Variants in GPAM observed in about 807,000 individuals in gnomAD.
The protein encoded by GPAM is glycerol-3-phosphate acyltransferase, mitochondrial.
A neutral mutation model predicts 105.0 loss-of-function variants in GPAM; 56 were observed. The observed-to-expected ratio is 0.53, with a 90% confidence interval of 0.43 to 0.67. The LOEUF (loss-of-function observed/expected upper bound fraction) is 0.67. Ranked by LOEUF, GPAM falls within the 30% of genes least tolerant of loss-of-function variation. The pLI is 0.00. For synonymous variants in GPAM, 368 were observed against 354.4 expected, an observed-to-expected ratio of 1.04 and a Z score of -0.43; for missense variants, 855 against 989.8, an observed-to-expected ratio of 0.86 and a Z score of 1.83.
chr10:112,211,906 G>A (rs1052846205), intron 1 of GPAM, among the ~76,000 whole-genome samples: 1 of 152,182 alleles, frequency 6.6e-6, no homozygotes, highest in Non-Finnish European at 1.5e-5. Flanking sequence ...AGATGTATGA[G>A]GGTTTCTTAA....
chr10:112,226,853 G>A, the GPAM span, among the ~76,000 whole-genome samples: 2 of 152,186 alleles, frequency 1.3e-5, no homozygotes, highest in Non-Finnish European at 2.9e-5. Context: ...CCTGAGCCCT[G>A]GATTCCATCC....
rs1847127929 is a variant in GPAM, at chr10:112,161,722, C to A, written c.1439G>T (p.Cys480Phe). 6.2e-7 allele frequency: 1 copy of A among 1,613,960 alleles called. No individual in the cohort carries two copies. The highest frequency in any genetic ancestry group is 1.3e-5 in the African/African-American group (1 of 74,938). The stretch of plus-strand genomic sequence containing the variant: ...CACAATGTGTGTGGACATAATGGCA[C>A]AGGACTTGCTAGCAGCTGGAAGGCA... ...EHILFTASKS[C>F]AIMSTHIVAC... The change falls in exon 15 of 22, where the codon TGT (cysteine) becomes TTT (phenylalanine). Residue 480 changes from cysteine (C) to phenylalanine (F), a missense_variant. Transcript: ENST00000348367.
intron 12 of GPAM, among the ~76,000 whole-genome samples, chr10:112,165,519 G>A (rs953781728): frequency 1.3e-5 from 2 of 152,220 alleles, no homozygotes; most frequent in East Asian, 3.9e-4. Context: ...GTGAAACCCC[G>A]TCTCTACTAA....
intron 11 of GPAM, among the ~76,000 whole-genome samples, 197 bp from the exon 12 acceptor site, chr10:112,166,712 T>C (rs1010475352): frequency 3.9e-5 from 6 of 152,222 alleles, no homozygotes; most frequent in African/African-American, 1.4e-4. Flanking sequence ...TGTAATCATG[T>C]CATTGGGAGA....
chr10:112,173,220 G>A (rs553899097), intron 7 of GPAM, among the ~76,000 whole-genome samples, 154 bp from the exon 8 acceptor site: 2 of 151,172 alleles, frequency 1.3e-5, no homozygotes, highest in African/African-American at 4.9e-5. Flanking sequence ...ATGCATGCAC[G>A]TATGTCTGAA....
At chr10:112,211,747 T>C (rs1177587287) in intron 1 of GPAM, among the ~76,000 whole-genome samples, 2 of 152,166 alleles carry the variant, frequency 1.3e-5, no homozygotes, top group Non-Finnish European at 2.9e-5. Flanking sequence ...ACTCTCAAAG[T>C]AACCTCATGA....
chr10:112,161,434 G>A (rs1037644703), intron 15 of GPAM, among the ~76,000 whole-genome samples: 1 of 152,176 alleles, frequency 6.6e-6, no homozygotes, highest in African/African-American at 2.4e-5. Flanking sequence ...TATTAATCAA[G>A]CAATAGCTTA....
chr10:112,186,321 C>CA (rs972915487), upstream of GPAM, among the ~76,000 whole-genome samples: 2 of 150,056 alleles, frequency 1.3e-5, no homozygotes, highest in Admixed American at 6.6e-5. Flanking sequence ...TTATATATAT[C>CA]AAAAAAATAA....
chr10:112,212,308 G>C (rs867570898), intron 1 of GPAM, among the ~76,000 whole-genome samples: 4 of 152,110 alleles, frequency 2.6e-5, no homozygotes, highest in South Asian at 4.1e-4. Context: ...TGTCGCCCAG[G>C]CTGGAGTGCA....
chr10:112,204,262 T>C (rs1368640001), intron 1 of GPAM, among the ~76,000 whole-genome samples: 2 of 151,440 alleles, frequency 1.3e-5, no homozygotes, highest in African/African-American at 4.8e-5. Flanking sequence ...TTCTTTTTTT[T>C]TTTTTTTTTT....
At position 112,180,413 on chromosome 10, in the gene GPAM, C is replaced by T. The variant is rs942470552; in HGVS notation, c.225+60G>A. On this transcript the variant is annotated intron_variant, in intron 4 of 21. Transcript: ENST00000348367. ...TTTAGTCCAATAAGACTGCCTACTA[C>T]AAAGTTGGAAATAATATTTTATGCT... 40 of 1,569,742 alleles carry T rather than the reference C, an allele frequency of 2.5e-5. No individual in the cohort carries two copies. In the African/African-American group the frequency reaches 5.4e-4, roughly 21 times the overall value.
At chr10:112,203,730 T>C (rs551794749) in intron 1 of GPAM, among the ~76,000 whole-genome samples, 2 of 152,346 alleles carry the variant, frequency 1.3e-5, no homozygotes, top group African/African-American at 4.8e-5. Context: ...CTCTGTTATT[T>C]AATTCTCATA....
At position 112,164,429 on chromosome 10, in the gene GPAM, G is replaced by A. The variant is rs139734329; in HGVS notation, c.1307+96C>T. 203 of 742,160 alleles carry A rather than the reference G, an allele frequency of 2.7e-4. No homozygotes were observed. The African/African-American group carries it at 2.9e-3, about 11-fold the overall frequency. 46.0% of individuals were successfully genotyped at this position (742,160 alleles called of 1,614,324 possible). ...AAAGTTACTTAAGAAGTGAAAATAAGAATGTGCGCATTTTTAATAAGGTTA... is the reference window on the plus strand; with the variant it reads ...AAAGTTACTTAAGAAGTGAAAATAAAAATGTGCGCATTTTTAATAAGGTTA... On this transcript the variant is annotated intron_variant, in intron 13 of 21. Coordinates refer to ENST00000348367, the MANE Select transcript of GPAM (RefSeq NM_001244949.2).
chr10:112,184,618 ATGGCTTTTAAACGTTGTGC>A (rs1348994411), upstream of GPAM, among the ~76,000 whole-genome samples: 4 of 152,362 alleles, frequency 2.6e-5, no homozygotes, highest in East Asian at 5.8e-4. Context: ...TTATAAGACA[ATGGCTTTTAAACGTTGTGC>A]TGGACAGTGG....
At position 112,150,560 on chromosome 10, in the gene GPAM, ACTAT is replaced by A. The variant is rs1846897512; in HGVS notation, c.*2986_*2989del. The A allele has an allele frequency of 1.0e-5, 10 of 984,484 alleles. No individual in the cohort carries two copies. The highest frequency in any genetic ancestry group is 1.2e-5 in the Non-Finnish European group (10 of 828,890). 61.0% of individuals were successfully genotyped at this position (984,484 alleles called of 1,614,324 possible). A position where few individuals can be genotyped will look rare whatever the true frequency, so the allele number is the denominator to read the frequency against. ...CATTACCGTTTTGTCTCCTTAAAGAACTATCTAACATAGTGTTTCCCAAAATGTT... is the reference window on the plus strand; with the variant it reads ...CATTACCGTTTTGTCTCCTTAAAGAACTAACATAGTGTTTCCCAAAATGTT... On this transcript the variant is annotated 3_prime_UTR_variant, in exon 22 of 22. Transcript: ENST00000348367.
At chr10:112,202,515 A>G (rs1847809700) in intron 1 of GPAM, among the ~76,000 whole-genome samples, 1 of 152,244 alleles carries the variant, frequency 6.6e-6, no homozygotes, top group African/African-American at 2.4e-5. Flanking sequence ...TCTAATAGGA[A>G]TTATGACTCC....
chr10:112,215,148 C>T (rs555392593), intron 1 of GPAM: 79 of 152,302 alleles, frequency 5.2e-4, no homozygotes, highest in African/African-American at 1.7e-3. Context: ...TTACTCCCTG[C>T]ACCCCAGGTT....
At chr10:112,217,938 A>T (rs929890716), upstream of GPAM, among the ~76,000 whole-genome samples, 136 of 152,244 alleles carry the variant, frequency 8.9e-4, 1 homozygote, top group Non-Finnish European at 3.2e-4. Context: ...AAAGAAATTT[A>T]AAAGGACTTC....
Position 112,173,828 on chromosome 10 carries a change from G to A in GPAM, c.431C>T (p.Ala144Val), listed in dbSNP as rs373088391. ...AGGGTTTAATTCAGCAGCCACTTCT[G>A]CAATTGCCTCTTGTACTCTGGTATG... is the stretch of plus-strand genomic sequence containing the variant. ...LNSSRVQEAI[A>V]EVAAELNPDG... is the part of the protein sequence containing the mutation. Residue 144 changes from alanine to valine, a missense_variant, in exon 7 of 22, where the codon GCA becomes GTA. By Grantham distance (64) the Ala-to-Val change is moderately conservative. Transcript: ENST00000348367. 4.3e-5 allele frequency: 69 copies of A among 1,612,092 alleles called. No homozygotes were observed. The Middle Eastern group carries it at 4.9e-4, about 12-fold the overall frequency.
Sources: gnomAD v4.1 joint callset for allele counts (sites outside exome capture counted in the v4.1 genomes callset) on GRCh38, gnomAD v4.1.1 for gene constraint, MANE v1.5 for transcripts, NCBI Gene and HGNC (gene_info 2026-07-23, HGNC 2026-07-21) for gene names.